PSMG2: variants seen among roughly 807,000 people sequenced by gnomAD.
PSMG2 encodes the protein proteasome assembly chaperone 2.
Under a neutral mutation model 31.5 loss-of-function variants are expected in PSMG2, and 21 were observed. The ratio of observed to expected loss-of-function variants is 0.67; its 90% CI spans 0.47 to 0.96. PSMG2 has a LOEUF of 0.96. Ranked by LOEUF, PSMG2 falls within the 40% of genes least tolerant of loss-of-function variation. The pLI, the probability that PSMG2 is intolerant of heterozygous loss-of-function variation, is 0.00. For synonymous variants in PSMG2, 120 were observed against 110.4 expected, an observed-to-expected ratio of 1.09 and a Z score of -0.54; for missense variants, 318 against 321.2, an observed-to-expected ratio of 0.99 and a Z score of 0.08.
rs533295831 is a variant in PSMG2, at chr18:12,713,388, G to T, written c.288+628G>T. 7.9e-5 allele frequency among the ~76,000 whole-genome samples: 12 copies of T among 152,244 alleles called. No homozygotes were observed. In the East Asian group the frequency reaches 2.3e-3, roughly 29 times the overall value. On this transcript the variant is annotated intron_variant, in intron 3 of 6. Transcript: ENST00000317615. Reference sequence around the variant, plus strand: ...CTTTATATTGCAAATTGACTCCCAAGGAGACAGGAGTCGACCTCAAATCTG... The same window carrying T: ...CTTTATATTGCAAATTGACTCCCAATGAGACAGGAGTCGACCTCAAATCTG...
In PSMG2 at chr18:12,688,146, G is replaced by T. The variant is rs147729494; in HGVS notation, c.-36-18404G>T. ...CTTAGGAGGCTGAGGCAGGAGAATG[G>T]CATGAATCTGGGAGGCGGAGCTTGC... On this transcript the variant is annotated intron_variant, in intron 1 of 6. Transcript: ENST00000585331. Among the ~76,000 whole-genome samples, 1,370 of 150,998 alleles carry T rather than the reference G, an allele frequency of 9.1e-3. 29 individuals are homozygous for T. The highest frequency in any genetic ancestry group is 0.032 in the African/African-American group (1,322 of 41,072).
chr18:12,680,529 G>A (rs1048919581), intron 1 of PSMG2: 14 of 540,344 alleles, frequency 2.6e-5, no homozygotes, highest in Non-Finnish European at 4.0e-5. Flanking sequence ...CCTGGGAGGT[G>A]GAGGTTGCAG....
intron 1 of PSMG2, chr18:12,686,541 C>A: frequency 1.1e-6 from 1 of 949,980 alleles, no homozygotes; most frequent in East Asian, 2.5e-5. Flanking sequence ...TAAAATAATT[C>A]AGCATACCAT....
chr18:12,668,597 C>CAAAAAAAAA lies in PSMG2; in HGVS notation c.-37+9848_-37+9856dup, dbSNP rs752216074. Among the ~76,000 whole-genome samples, 332 of 72,724 alleles carry CAAAAAAAAA rather than the reference C, an allele frequency of 4.6e-3. 7 individuals are homozygous for CAAAAAAAAA. The highest frequency in any genetic ancestry group is 0.01 in the Middle Eastern group (1 of 100). The allele number at this position is 72,724 out of a possible 152,430, so 47.7% of individuals were successfully genotyped here. On this transcript the variant is annotated intron_variant, in intron 1 of 6. Transcript: ENST00000585331. ...TGGGAGACAGAGTAAGATTCCATCT[C>CAAAAAAAAA]AAAAAAAAAAAAAAAAAAAAAAAAA...
At chr18:12,716,903 T>G (rs919624452) in intron 3 of PSMG2, among the ~76,000 whole-genome samples, 2 of 151,488 alleles carry the variant, frequency 1.3e-5, no homozygotes, top group Non-Finnish European at 2.9e-5. Context: ...GGACCAGCAC[T>G]CTAACCCAGG....
In PSMG2 at chr18:12,720,668, C is replaced by T; in HGVS notation, c.566C>T (p.Thr189Ile). Residue 189 changes from threonine (T) to isoleucine (I), a missense_variant, in exon 5 of 7, where the codon ACA (threonine) becomes ATA (isoleucine). Transcript: ENST00000317615. ...IRIPGGGITK[T>I]LYDESCSKEI... ...ATTCCGGGAGGAGGTATCACAAAAACACTCTATGATGAAAGGTGAGTTTGT... is the reference window on the plus strand; with the variant it reads ...ATTCCGGGAGGAGGTATCACAAAAATACTCTATGATGAAAGGTGAGTTTGT... 1 of 1,610,290 alleles carries T rather than the reference C, an allele frequency of 6.2e-7. No individual in the cohort carries two copies. The highest frequency in any genetic ancestry group is 1.3e-5 in the African/African-American group (1 of 74,656).
rs1194385179 is a variant in PSMG2, at chr18:12,725,454, G to A, written c.718G>A (p.Val240Ile). 1 of 1,596,880 alleles carries A rather than the reference G, an allele frequency of 6.3e-7. No homozygotes were observed. Among genetic ancestry groups the A allele is most frequent in the Non-Finnish European group, 8.6e-7 (1 of 1,164,850 alleles). ...ILKPLSDDPT[V>I]SASRWKIPSS... ...TCAATTACAGAGCGATGACCCCACAGTATCTGCCTCACGGTGGAAAATACC... is the reference window on the plus strand; with the variant it reads ...TCAATTACAGAGCGATGACCCCACAATATCTGCCTCACGGTGGAAAATACC... Residue 240 changes from valine (V) to isoleucine (I), a missense_variant, in exon 7 of 7, where the codon GTA becomes ATA. By Grantham distance (29) the Val-to-Ile change is conservative (BLOSUM62 3). Transcript: ENST00000317615.
chr18:12,712,810 ATAAG>A (rs770747719), intron 3 of PSMG2, 50 bp downstream of exon 3: 11 of 1,395,176 alleles, frequency 7.9e-6, no homozygotes, highest in Non-Finnish European at 1.1e-5. Flanking sequence ...TAATGAGAAA[ATAAG>A]TAACATTAGG....
rs377328686 is a variant in PSMG2 at position 12,691,987 on chromosome 18, G to A, written c.-36-14563G>A. 2.6e-5 allele frequency among the ~76,000 whole-genome samples: 4 copies of A among 152,096 alleles called. No homozygotes were observed. In the East Asian group the frequency reaches 7.7e-4, roughly 29 times the overall value. ...GCCCGCCTTGGCCTCCCAAAGTGCT[G>A]GGATTACCGCGCCTGGCCCAGAAAT... On this transcript the variant is annotated intron_variant, in intron 1 of 6. Coordinates refer to the PSMG2 transcript ENST00000585331.
chr18:12,724,647 TC>T (rs1412852154), intron 6 of PSMG2, 28 bp downstream of exon 6: 1 of 1,559,764 alleles, frequency 6.4e-7, no homozygotes, highest in Non-Finnish European at 8.6e-7. Context: ...TTAAGCCTCT[TC>T]TTTGTCTGGT....
At chr18:12,721,709 C>CT (rs2040432436) in intron 5 of PSMG2, among the ~76,000 whole-genome samples, 1 of 151,388 alleles carries the variant, frequency 6.6e-6, no homozygotes, top group Non-Finnish European at 1.5e-5. Flanking sequence ...TTTCTATTCT[C>CT]TATTATTCTA....
intron 1 of PSMG2, among the ~76,000 whole-genome samples, chr18:12,675,896 T>C (rs1217861710): frequency 6.6e-6 from 1 of 152,060 alleles, no homozygotes; most frequent in African/African-American, 2.4e-5. Context: ...CTCAAACTCC[T>C]GACCTCAAGT....
chr18:12,694,960 C>A (rs2039899397), intron 1 of PSMG2, among the ~76,000 whole-genome samples: 3 of 152,136 alleles, frequency 2.0e-5, no homozygotes, highest in African/African-American at 7.2e-5. Context: ...TGTGATCCGC[C>A]CGCCTCGGCC....
chr18:12,674,898 A>G, intron 1 of PSMG2: 1 of 499,076 alleles, frequency 2.0e-6, no homozygotes, highest in Non-Finnish European at 3.4e-6. Context: ...AATTATAGGG[A>G]TACATAGAAA....
chr18:12,711,750 CTTTTTTTTT>C (rs34631690), intron 2 of PSMG2, among the ~76,000 whole-genome samples: 42 of 97,572 alleles, frequency 4.3e-4, no homozygotes, highest in Non-Finnish European at 6.9e-4. Flanking sequence ...GCTTCTCATT[CTTTTTTTTT>C]TTTTTTTTTT....
Position 12,680,837 on chromosome 18 carries a change from T to C in PSMG2, c.-37+22064T>C, listed in dbSNP as rs113500668. 8 of 1,598,860 alleles carry C rather than the reference T, an allele frequency of 5.0e-6. No homozygotes were observed. The East Asian group carries it at 1.3e-4, about 27-fold the overall frequency. On this transcript the variant is annotated intron_variant, in intron 1 of 6. Coordinates refer to the PSMG2 transcript ENST00000585331. ...TGATCTTCACAGTCACCCTGGAAGA[T>C]AAATTAAAATGAAGTATTCATTCTT...
intron 1 of PSMG2, 53 bp from the exon 2 acceptor site, chr18:12,706,497 A>G (rs2040269875): frequency 1.9e-6 from 3 of 1,582,032 alleles, no homozygotes; most frequent in Admixed American, 3.4e-5. Flanking sequence ...AAAAAATAAA[A>G]TAAAGTGCTG....
chr18:12,722,955 G>A (rs1372608737), intron 5 of PSMG2, among the ~76,000 whole-genome samples: 1 of 152,216 alleles, frequency 6.6e-6, no homozygotes, highest in South Asian at 2.1e-4. Flanking sequence ...TTAGGAACTG[G>A]AATTTTCTGA....
intron 1 of PSMG2, among the ~76,000 whole-genome samples, chr18:12,688,431 A>G (rs2039626855): frequency 6.6e-6 from 1 of 152,180 alleles, no homozygotes. Context: ...ATCTTTGGTT[A>G]GTATTGAGGT....
Sources: allele counts gnomAD v4.1 joint callset (sites outside exome capture counted in the v4.1 genomes callset), GRCh38; gene constraint gnomAD v4.1.1; transcripts MANE v1.5; gene names NCBI Gene and HGNC (gene_info 2026-07-23, HGNC 2026-07-21).